Variants in TNFRSF10B observed in about 807,000 individuals in gnomAD.
TNFRSF10B encodes the protein tumor necrosis factor receptor superfamily member 10B.
TNFRSF10B carries 35 observed loss-of-function variants against 41.4 expected under a neutral mutation model. The ratio of observed to expected loss-of-function variants is 0.85; its 90% CI spans 0.65 to 1.12. The LOEUF is 1.12. Ranked by LOEUF, TNFRSF10B falls within the 50% of genes most tolerant of loss-of-function variation. The probability of loss-of-function intolerance (pLI) is 0.00; values close to 1 mark genes in which losing one functional copy is unlikely to be tolerated. For missense variants in TNFRSF10B, 584 were observed against 552.7 expected (o/e 1.06, Z -0.57); for synonymous variants, 230 against 215.5 (o/e 1.07, Z -0.59).
chr8:23,030,735 G>T (rs1194830045), intron 3 of TNFRSF10B, 24 bp downstream of exon 3: 17 of 1,573,994 alleles, frequency 1.1e-5, no homozygotes, highest in Non-Finnish European at 1.5e-5. Flanking sequence ...CCACCTTTAG[G>T]CATGGGGTCC....
At chr8:23,057,213 AT>A (rs1812695450) in intron 1 of TNFRSF10B, among the ~76,000 whole-genome samples, 1 of 150,708 alleles carries the variant, frequency 6.6e-6, no homozygotes, top group African/African-American at 2.5e-5. Flanking sequence ...TGCCCGGCTC[AT>A]TTTTGTATTT....
In TNFRSF10B at chr8:23,060,403, C is replaced by T. The variant is rs116223158; in HGVS notation, c.144+8348G>A. On this transcript the variant is annotated intron_variant, in intron 1 of 8. Coordinates refer to ENST00000276431, the MANE Select transcript of TNFRSF10B (RefSeq NM_003842.5). The stretch of plus-strand genomic sequence containing the variant: ...CCCTTCATTGAAAAGACGGCCCTTT[C>T]CTCCATTCAACAGTCTTGGCATCCT... 9.7e-3 allele frequency among the ~76,000 whole-genome samples: 1,480 copies of T among 152,276 alleles called. 29 individuals carry two copies. The highest frequency in any genetic ancestry group is 0.034 in the African/African-American group (1,401 of 41,544).
chr8:23,020,690 TC>T lies in TNFRSF10B; in HGVS notation c.*1980del, dbSNP rs1811490068. 2.2e-6 allele frequency: 1 copy of T among 453,642 alleles called. No homozygotes were observed. Among genetic ancestry groups the T allele is most frequent in the Admixed American group, 2.4e-5 (1 of 42,522 alleles). 28.1% of individuals were successfully genotyped at this position (453,642 alleles called of 1,614,324 possible). A position where few individuals can be genotyped will look rare whatever the true frequency, so the allele number is the denominator to read the frequency against. ...CTGGGCGAGAGAGTGAGATTCTGTC[TC>T]AAAAAAATTAAAAATAAAAGAAAAA... is the stretch of plus-strand genomic sequence containing the variant. On this transcript the variant is annotated 3_prime_UTR_variant, in exon 9 of 9. Transcript: ENST00000276431.
chr8:23,026,178 G>A (rs918715983), intron 7 of TNFRSF10B, among the ~76,000 whole-genome samples: 9 of 152,134 alleles, frequency 5.9e-5, no homozygotes, highest in African/African-American at 2.2e-4. Flanking sequence ...AAAGAAAGTG[G>A]TACAGATGCA....
chr8:23,052,712 T>C lies in TNFRSF10B; in HGVS notation c.145-9469A>G, dbSNP rs555125240. ...AAAATAAGGAGAATTTTAAAGATTATTGGTAAAAGTATCTTCAAAAATGTA... is the reference window on the plus strand; with the variant it reads ...AAAATAAGGAGAATTTTAAAGATTACTGGTAAAAGTATCTTCAAAAATGTA... On this transcript the variant is annotated intron_variant, in intron 1 of 8. Coordinates refer to ENST00000276431, the MANE Select transcript of TNFRSF10B (RefSeq NM_003842.5). 3.3e-5 allele frequency among the ~76,000 whole-genome samples: 5 copies of C among 152,364 alleles called. No individual in the cohort carries two copies. In the East Asian group the frequency reaches 7.7e-4, roughly 23 times the overall value.
At chr8:23,065,773 C>G (rs543890080) in intron 1 of TNFRSF10B, among the ~76,000 whole-genome samples, 3 of 151,618 alleles carry the variant, frequency 2.0e-5, no homozygotes, top group South Asian at 2.1e-4. Flanking sequence ...TGTTCGGTAC[C>G]CAAGAAAGCA....
Position 23,043,217 on chromosome 8 carries a change from G to A in TNFRSF10B, c.171C>T (p.Thr57=), listed in dbSNP as rs769528105. 3 of 1,614,082 alleles carry A rather than the reference G, an allele frequency of 1.9e-6. No homozygotes were observed. Among genetic ancestry groups the A allele is most frequent in the Non-Finnish European group, 2.5e-6 (3 of 1,180,026 alleles). ...LLVSAESALI[T]QQDLAPQQRA... is the part of the protein sequence containing the mutation. ...TCTGCTGGGGAGCTAGGTCTTGTTG[G>A]GTGATCAGAGCAGACTCAGCTGAGA... is the stretch of plus-strand genomic sequence containing the variant. The change falls in exon 2 of 9, where the codon ACC becomes ACT. Residue 57 remains threonine (T), a synonymous_variant. Coordinates refer to ENST00000276431, the MANE Select transcript of TNFRSF10B (RefSeq NM_003842.5).
chr8:23,034,868 C>T (rs574697831), intron 2 of TNFRSF10B, among the ~76,000 whole-genome samples: 2 of 152,342 alleles, frequency 1.3e-5, no homozygotes, highest in African/African-American at 4.8e-5. Flanking sequence ...ACAGATGGAT[C>T]TTGGTGAATG....
In TNFRSF10B at chr8:23,020,476, G is replaced by C; in HGVS notation, c.*2195C>G. 2.2e-6 allele frequency: 1 copy of C among 453,830 alleles called. No individual in the cohort carries two copies. The highest frequency in any genetic ancestry group is 1.6e-5 in the South Asian group (1 of 64,472). The allele number at this position is 453,830 out of a possible 1,614,324, so 28.1% of individuals were successfully genotyped here. A position where few individuals can be genotyped will look rare whatever the true frequency, so the allele number is the denominator to read the frequency against. ...TTTCGGAGGCCAAGGTGGATCACCT[G>C]AGGTCAGGAGTTCGAGACCAGCCTG... On this transcript the variant is annotated 3_prime_UTR_variant, in exon 9 of 9. Coordinates refer to ENST00000276431, the MANE Select transcript of TNFRSF10B (RefSeq NM_003842.5).
intron 4 of TNFRSF10B, 60 bp downstream of exon 4, chr8:23,029,550 G>A (rs1211625367): frequency 1.4e-5 from 21 of 1,510,236 alleles, no homozygotes; most frequent in Non-Finnish European, 1.8e-5. Flanking sequence ...AGGGGTACAA[G>A]GAGACTTGGG....
rs761677938 is a variant in TNFRSF10B, at chr8:23,068,940, G to A, written c.-46C>T. On this transcript the variant is annotated 5_prime_UTR_variant, in exon 1 of 9. Coordinates refer to ENST00000276431, the MANE Select transcript of TNFRSF10B (RefSeq NM_003842.5). ...TAGTCTCTCAGGCCCGTGGGTTTCA[G>A]CCCTTAAAGTAGATCGGGCATCGTC... 1.2e-6 allele frequency: 2 copies of A among 1,612,794 alleles called. No individual in the cohort carries two copies. Among genetic ancestry groups the A allele is most frequent in the Non-Finnish European group, 1.7e-6 (2 of 1,179,902 alleles).
In TNFRSF10B at chr8:23,027,766, CAGTCTCCTTAGCAGGAAGGG is replaced by C. The variant is rs1357989836; in HGVS notation, c.749-33_749-14del. 6.2e-7 allele frequency: 1 copy of C among 1,614,052 alleles called. No individual in the cohort carries two copies. Among genetic ancestry groups the C allele is most frequent in the African/African-American group, 1.3e-5 (1 of 75,036 alleles). ...TCCCCACCACCACCTAAAAAAGAAG[CAGTCTCCTTAGCAGGAAGGG>C]AGGGGCCCATGAAGCACCCCCCTCC... On this transcript the variant is annotated splice_polypyrimidine_tract_variant and intron_variant, in intron 5 of 8. Transcript: ENST00000276431.
Position 23,028,441 on chromosome 8 carries a change from C to T in TNFRSF10B, c.638G>A (p.Gly213Asp). The T allele has an allele frequency of 6.2e-7, 1 of 1,614,174 alleles. No homozygotes were observed. Among genetic ancestry groups the T allele is most frequent in the Non-Finnish European group, 8.5e-7 (1 of 1,180,012 alleles). The change falls in exon 5 of 9, where the codon GGC becomes GAC. Residue 213 changes from glycine (G) to aspartate (D), a missense_variant. Coordinates refer to ENST00000276431, the MANE Select transcript of TNFRSF10B (RefSeq NM_003842.5). Reference protein sequence around the residue: ...GTPASPCSLSGIIIGVTVAAV... With the variant: ...GTPASPCSLSDIIIGVTVAAV... ...TGCAACTGTGACTCCTATGATGATG[C>T]CTGAGAGAGAACAGGGAGAGGCAGG...
chr8:23,040,290 TAA>T (rs200844310), intron 2 of TNFRSF10B, among the ~76,000 whole-genome samples: 11,072 of 81,900 alleles, frequency 0.14, 3,503 homozygotes, highest in South Asian at 0.53. Context: ...ATATATTTAT[TAA>T]ATATATATAA....
At chr8:23,031,479 G>A (rs990942803) in intron 2 of TNFRSF10B, among the ~76,000 whole-genome samples, 3 of 151,634 alleles carry the variant, frequency 2.0e-5, no homozygotes, top group Non-Finnish European at 2.9e-5. Flanking sequence ...CTGCACCCTC[G>A]ACCTCCCGGA....
At chr8:23,028,157 G>C in intron 5 of TNFRSF10B, 174 bp downstream of exon 5, 1 of 811,108 alleles carries the variant, frequency 1.2e-6, no homozygotes, top group East Asian at 2.7e-5. Context: ...GAAGAGACCA[G>C]GGTCCTGGGG....
In TNFRSF10B at chr8:23,027,184, T is replaced by G. The variant is rs1235114431; in HGVS notation, c.885A>C (p.Ala295=). 1.9e-6 allele frequency: 3 copies of G among 1,614,116 alleles called. No homozygotes were observed. The African/African-American group carries it at 4.0e-5, about 22-fold the overall frequency. The change falls in exon 7 of 9, where the codon GCA becomes GCC. Residue 295 remains alanine (A), a synonymous_variant. Transcript: ENST00000276431. ...ACAACATGTTGACACCTGTTGGCTC[T>G]GCTGGCTCCTGGACTTCCATTTCCT... The part of the protein sequence containing the change: ...PEQEMEVQEP[A]EPTGVNMLSP...
chr8:23,068,520 G>A, intron 1 of TNFRSF10B: 1 of 621,328 alleles, frequency 1.6e-6, no homozygotes, highest in South Asian at 2.1e-5. Context: ...ACTGGATTCG[G>A]GAATTTACAC....
intron 5 of TNFRSF10B, 89 bp downstream of exon 5, chr8:23,028,242 G>A (rs1811768976): frequency 1.3e-6 from 2 of 1,581,508 alleles, no homozygotes; most frequent in Non-Finnish European, 1.7e-6. Flanking sequence ...TAGACTTGGG[G>A]CAGGGGCAGG....
Sources: allele counts gnomAD v4.1 joint callset (sites outside exome capture counted in the v4.1 genomes callset), GRCh38; gene constraint gnomAD v4.1.1; transcripts MANE v1.5; gene names NCBI Gene and HGNC (gene_info 2026-07-23, HGNC 2026-07-21).